KIF1B: variants seen among roughly 807,000 people sequenced by gnomAD.
KIF1B encodes the protein kinesin family member 1B.
A neutral mutation model predicts 241.9 loss-of-function variants in KIF1B; 76 were observed. The ratio of observed to expected loss-of-function variants is 0.31; its 90% CI spans 0.26 to 0.38. The LOEUF is 0.38. Ranked by LOEUF, KIF1B falls within the 10% of genes least tolerant of loss-of-function variation. KIF1B has a pLI of 1.00. For synonymous variants in KIF1B, 750 were observed against 796.7 expected (o/e 0.94, Z 0.99); for missense variants, 1,622 against 2,271.4 (o/e 0.71, Z 5.81).
Position 10,334,526 on chromosome 1 carries a change from T to G in KIF1B, c.2931T>G (p.Phe977Leu), listed in dbSNP as rs1652088180. The G allele has an allele frequency of 6.2e-7, 1 of 1,612,996 alleles. No individual in the cohort carries two copies. The highest frequency in any genetic ancestry group is 1.1e-5 in the South Asian group (1 of 91,032). Reference protein sequence around the residue: ...SPWFILVGRAFVYLSNLLYPV... With the variant: ...SPWFILVGRALVYLSNLLYPV... ...TCCTGGTTTCTGTCTTTAGGGCATT[T>G]GTTTACCTGAGCAATCTGCTGTATC... is the stretch of plus-strand genomic sequence containing the variant. The change falls in exon 28 of 49, where the codon TTT (phenylalanine) becomes TTG (leucine). Residue 977 changes from phenylalanine (F) to leucine (L), a missense_variant. Transcript: ENST00000676179.
At chr1:10,236,756 A>G (rs1258143458) in intron 2 of KIF1B, among the ~76,000 whole-genome samples, 1 of 151,226 alleles carries the variant, frequency 6.6e-6, no homozygotes, top group African/African-American at 2.4e-5. Flanking sequence ...ACTAATATGT[A>G]TGCCAAGTAA....
chr1:10,364,691 C>A (rs1369096844), intron 41 of KIF1B, among the ~76,000 whole-genome samples: 1 of 152,064 alleles, frequency 6.6e-6, no homozygotes, highest in East Asian at 1.9e-4. Context: ...ACCAAACTGT[C>A]TTAGTTTGCT....
chr1:10,365,609 C>T lies in KIF1B; in HGVS notation c.4713C>T (p.Ile1571=), dbSNP rs750386624. Residue 1571 remains isoleucine, a synonymous_variant, in exon 43 of 49, where the codon ATC becomes ATT. Transcript: ENST00000676179. This position sits in a 1 kb window ranked among gnomAD's most constrained non-coding sequence, Gnocchi z 4.0. ...SESSGYDSGD[I]ESLVDREKEL... ...GCAGTGGCTATGATTCAGGAGACATCGAAAGCCTGGTGGACCGAGAGAAAG... is the reference window on the plus strand; with the variant it reads ...GCAGTGGCTATGATTCAGGAGACATTGAAAGCCTGGTGGACCGAGAGAAAG... 18 of 1,614,116 alleles carry T rather than the reference C, an allele frequency of 1.1e-5. No individual in the cohort carries two copies. The highest frequency in any genetic ancestry group is 1.7e-5 in the Admixed American group (1 of 60,010).
At chr1:10,324,203 T>G in intron 25 of KIF1B, 141 bp downstream of exon 25, 2 of 781,248 alleles carry the variant, frequency 2.6e-6, no homozygotes, top group Non-Finnish European at 4.4e-6. Flanking sequence ...TGTTGGCCAA[T>G]GGTATTACCA....
chr1:10,226,570 T>G (rs1646911231), intron 1 of KIF1B, among the ~76,000 whole-genome samples: 1 of 152,168 alleles, frequency 6.6e-6, no homozygotes, highest in South Asian at 2.1e-4. Context: ...TCAACAGTAT[T>G]CAACAACTAT....
intron 1 of KIF1B, among the ~76,000 whole-genome samples, chr1:10,229,916 GACGTGGTGGCTCAC>G (rs1646958974): frequency 6.9e-6 from 1 of 145,210 alleles, no homozygotes; most frequent in African/African-American, 2.6e-5. Context: ...TTAGGGGCCA[GACGTGGTGGCTCAC>G]ACCTATAATC....
At chr1:10,267,785 C>G (rs911949869) in intron 6 of KIF1B, among the ~76,000 whole-genome samples, 2 of 152,082 alleles carry the variant, frequency 1.3e-5, no homozygotes, top group South Asian at 2.1e-4. Context: ...GAGTTTTACT[C>G]TTAGGTTTTG....
intron 5 of KIF1B, among the ~76,000 whole-genome samples, chr1:10,262,565 C>G (rs1049399706): frequency 2.0e-5 from 3 of 152,124 alleles, no homozygotes; most frequent in Non-Finnish European, 4.4e-5. Flanking sequence ...GAAAGTAATG[C>G]TGGGTAACAG....
At chr1:10,216,594 A>T (rs867905822) in intron 1 of KIF1B, among the ~76,000 whole-genome samples, 4 of 152,166 alleles carry the variant, frequency 2.6e-5, no homozygotes, top group Middle Eastern at 3.4e-3. Flanking sequence ...TGCCACAATT[A>T]ATGTGTAGTC....
chr1:10,315,436 A>C (rs1651262270), intron 22 of KIF1B, among the ~76,000 whole-genome samples: 1 of 151,094 alleles, frequency 6.6e-6, no homozygotes, highest in Non-Finnish European at 1.5e-5. Flanking sequence ...TCGGCCTCCC[A>C]AAGTGCTGGG....
At chr1:10,334,742 G>A (rs1652100386) in intron 28 of KIF1B, 104 bp downstream of exon 28, 1 of 879,114 alleles carries the variant, frequency 1.1e-6, no homozygotes. Flanking sequence ...CAAACTGTGG[G>A]GAGTTTGTAT....
intron 2 of KIF1B, among the ~76,000 whole-genome samples, chr1:10,242,323 C>T (rs1425547716): frequency 6.6e-6 from 1 of 151,916 alleles, no homozygotes; most frequent in Non-Finnish European, 1.5e-5. Context: ...AGTGTACTTA[C>T]ACAAACCTAC....
At chr1:10,225,608 G>A (rs1307462909) in intron 1 of KIF1B, among the ~76,000 whole-genome samples, 1 of 152,212 alleles carries the variant, frequency 6.6e-6, no homozygotes, top group Non-Finnish European at 1.5e-5. Flanking sequence ...GAGCAAGTGA[G>A]AAGGTCCTGG....
At chr1:10,295,815 T>C (rs1650235780) in intron 19 of KIF1B, 49 bp downstream of exon 19, 2 of 1,437,416 alleles carry the variant, frequency 1.4e-6, no homozygotes, top group Admixed American at 3.4e-5. Context: ...CATTTTATAT[T>C]ATGAGAAATC....
intron 2 of KIF1B, among the ~76,000 whole-genome samples, chr1:10,248,268 C>T (rs1394282637): frequency 3.3e-5 from 5 of 151,826 alleles, no homozygotes; most frequent in African/African-American, 1.2e-4. Flanking sequence ...GGTGCAGTAA[C>T]GGCTCACTGT....
At position 10,295,647 on chromosome 1, in the gene KIF1B, C is replaced by G. The variant is rs759630416; in HGVS notation, c.1671-13C>G. 6.2e-7 allele frequency: 1 copy of G among 1,610,078 alleles called. No homozygotes were observed. Among genetic ancestry groups the G allele is most frequent in the Admixed American group, 1.7e-5 (1 of 59,996 alleles). ...TCTGAATTTCCCTGGGAAACACTTTCTCTTGTGTTCAGGGTTGGCCAAGCA... is the reference window on the plus strand; with the variant it reads ...TCTGAATTTCCCTGGGAAACACTTTGTCTTGTGTTCAGGGTTGGCCAAGCA... On this transcript the variant is annotated splice_polypyrimidine_tract_variant and intron_variant, in intron 18 of 48. Coordinates refer to ENST00000676179, the MANE Select transcript of KIF1B (RefSeq NM_001365951.3).
chr1:10,363,974 G>A (rs1638495197), intron 41 of KIF1B, among the ~76,000 whole-genome samples: 1 of 152,016 alleles, frequency 6.6e-6, no homozygotes, highest in Non-Finnish European at 1.5e-5. Flanking sequence ...AATCCAAGTA[G>A]CACCTAATTA....
Position 10,243,724 on chromosome 1 carries a change from C to T in KIF1B, c.106+11290C>T, listed in dbSNP as rs532497351. ...CTCTCACAATATTTATTAAGTTTTA[C>T]TATTCTGTGCAGTAATGCTGAATGT... is the stretch of plus-strand genomic sequence containing the variant. On this transcript the variant is annotated intron_variant, in intron 2 of 48. Transcript: ENST00000676179. Among the ~76,000 whole-genome samples the T allele has an allele frequency of 8.5e-4, 129 of 152,308 alleles. 1 individual carries two copies. Among genetic ancestry groups the T allele is most frequent in the South Asian group, 1.7e-3 (8 of 4,826 alleles).
intron 27 of KIF1B, among the ~76,000 whole-genome samples, chr1:10,334,122 G>C: frequency 7.0e-6 from 1 of 143,348 alleles, no homozygotes; most frequent in Non-Finnish European, 1.5e-5. Flanking sequence ...CTGTACTACA[G>C]CCTGGCGACA....
Sources: gnomAD v4.1 joint callset for allele counts (sites outside exome capture counted in the v4.1 genomes callset) on GRCh38, gnomAD v4.1.1 for gene constraint, Gnocchi (gnomAD v3.1) non-coding constraint, MANE v1.5 for transcripts, NCBI Gene and HGNC (gene_info 2026-07-23, HGNC 2026-07-21) for gene names.